The following ZNF341 variants were observed in gnomAD, a reference collection of about 807,000 sequenced individuals.
ZNF341 encodes zinc finger protein 341.
Under a neutral mutation model 87.7 loss-of-function variants are expected in ZNF341, and 52 were observed. The observed-to-expected ratio is 0.59, with a 90% CI of 0.47 to 0.75. The LOEUF (loss-of-function observed/expected upper bound fraction) is 0.75. ZNF341 is among the 30% of genes least tolerant of loss of function. ZNF341 has a pLI of 0.00. For missense variants in ZNF341, 977 were observed against 1,145.9 expected, an observed-to-expected ratio of 0.85 and a Z score of 2.13; for synonymous variants, 459 against 472.7, an observed-to-expected ratio of 0.97 and a Z score of 0.38.
At chr20:33,753,677 G>A (rs757854990) in intron 5 of ZNF341, among the ~76,000 whole-genome samples, 23 of 152,168 alleles carry the variant, frequency 1.5e-4, no homozygotes, top group Non-Finnish European at 2.8e-4. Context: ...AATATAAGCT[G>A]CCTGCAGGTA....
intron 6 of ZNF341, among the ~76,000 whole-genome samples, chr20:33,757,915 C>T (rs1244538467): frequency 1.3e-5 from 2 of 152,092 alleles, no homozygotes; most frequent in Non-Finnish European, 2.9e-5. Context: ...GTAGTATCTG[C>T]CATCCTAATG....
chr20:33,752,943 C>T (rs577425853), intron 4 of ZNF341, among the ~76,000 whole-genome samples: 135 of 152,280 alleles, frequency 8.9e-4, no homozygotes, highest in African/African-American at 3.0e-3. Flanking sequence ...CCACTGCGCC[C>T]GGCCATTTTT....
chr20:33,758,952 G>A, intron 7 of ZNF341, 146 bp downstream of exon 7: 2 of 678,620 alleles, frequency 2.9e-6, no homozygotes, highest in Non-Finnish European at 2.5e-6. Flanking sequence ...AGGTCGGGTG[G>A]TTTTCCCTCT....
At chr20:33,760,350 C>T (rs1242760636) in intron 7 of ZNF341, among the ~76,000 whole-genome samples, 1 of 152,072 alleles carries the variant, frequency 6.6e-6, no homozygotes, top group Non-Finnish European at 1.5e-5. Context: ...TTGCAGTGAG[C>T]TGAGATCGTG....
intron 11 of ZNF341, among the ~76,000 whole-genome samples, chr20:33,783,183 T>TG (rs1555789045): frequency 1.3e-5 from 2 of 151,662 alleles, no homozygotes; most frequent in East Asian, 1.9e-4. Context: ...TAAATAAAAG[T>TG]AAAAAATTAC....
At position 33,732,027 on chromosome 20, in the gene ZNF341, G is replaced by T; in HGVS notation, c.6G>T (p.Ala2=). ...GCGACGGCGGCGGCTCCAAGATGGC[G>T]CAGGCGATCTTTGAGGCCCTGGAGG... M[A]QAIFEALEGM... The change falls in exon 1 of 15, where the codon GCG becomes GCT. Residue 2 remains alanine (A), a synonymous_variant. Coordinates refer to ENST00000375200, the MANE Select transcript of ZNF341 (RefSeq NM_001282933.2). The surrounding 1 kb of genome is among the most constrained non-coding windows in gnomAD (Gnocchi z 4.5). 7.1e-7 allele frequency: 1 copy of T among 1,415,050 alleles called. No individual in the cohort carries two copies. 87.7% of individuals were successfully genotyped at this position (1,415,050 alleles called of 1,614,324 possible). A position where few individuals can be genotyped will look rare whatever the true frequency, so the allele number is the denominator to read the frequency against.
At chr20:33,774,336 T>A (rs886221014) in intron 10 of ZNF341, among the ~76,000 whole-genome samples, 1 of 152,066 alleles carries the variant, frequency 6.6e-6, no homozygotes, top group African/African-American at 2.4e-5. Flanking sequence ...TATTGATTTT[T>A]TCCCCCAATT....
rs774585487 is a variant in ZNF341, at chr20:33,791,412, C to T, written c.2460C>T (p.His820=). Residue 820 remains histidine (H), a synonymous_variant, in exon 15 of 15, where the codon CAC becomes CAT. Transcript: ENST00000375200. ...GAETELVVPG[H]AEGLGSNLAL... ...AAACTGAGCTGGTGGTACCTGGACA[C>T]GCTGAGGGGCTGGGCTCCAACCTGG... is the stretch of plus-strand genomic sequence containing the variant. 13 of 1,611,918 alleles carry T rather than the reference C, an allele frequency of 8.1e-6. No individual in the cohort carries two copies. Among genetic ancestry groups the T allele is most frequent in the East Asian group, 2.2e-5 (1 of 44,884 alleles).
chr20:33,741,732 A>G (rs375467182), intron 2 of ZNF341, among the ~76,000 whole-genome samples: 36 of 152,308 alleles, frequency 2.4e-4, no homozygotes, highest in African/African-American at 8.2e-4. Flanking sequence ...GGAAGTTTCT[A>G]TGTGAGACTG....
At chr20:33,779,845 G>A (rs1245950535) in intron 10 of ZNF341, among the ~76,000 whole-genome samples, 1 of 152,208 alleles carries the variant, frequency 6.6e-6, no homozygotes, top group African/African-American at 2.4e-5. Flanking sequence ...GAAATGGGAA[G>A]GCGCTGGGCT....
chr20:33,747,936 C>T (rs764767182), intron 3 of ZNF341, among the ~76,000 whole-genome samples: 26 of 151,826 alleles, frequency 1.7e-4, no homozygotes, highest in South Asian at 8.3e-4. Context: ...TCAAGTGATC[C>T]GCCTGTCTTG....
At chr20:33,752,781 A>G (rs2019089318) in intron 4 of ZNF341, among the ~76,000 whole-genome samples, 1 of 150,442 alleles carries the variant, frequency 6.6e-6, no homozygotes, top group Non-Finnish European at 1.5e-5. Context: ...GCCTCCCGAT[A>G]GCTGGGACTA....
At position 33,740,843 on chromosome 20, in the gene ZNF341, G is replaced by A. The variant is rs559482141; in HGVS notation, c.32-59G>A. ...TTTTGCCTGGGTCTGGCTTGTAAGG[G>A]TGATGTCAGAGCATGATGCTGGGCC... On this transcript the variant is annotated intron_variant, in intron 1 of 14. Transcript: ENST00000375200. The A allele has an allele frequency of 3.6e-5, 55 of 1,515,852 alleles. 1 individual carries two copies. The South Asian group carries it at 5.5e-4, about 15-fold the overall frequency. The allele number at this position is 1,515,852 out of a possible 1,614,324, so 93.9% of individuals were successfully genotyped here.
chr20:33,778,499 C>T (rs1037233011), intron 10 of ZNF341, among the ~76,000 whole-genome samples: 6 of 152,008 alleles, frequency 3.9e-5, no homozygotes, highest in East Asian at 1.9e-4. Context: ...TTAGTAAAGA[C>T]GGCATTTCTC....
chr20:33,744,387 G>A (rs1178784327), intron 2 of ZNF341, among the ~76,000 whole-genome samples: 2 of 152,192 alleles, frequency 1.3e-5, no homozygotes, highest in African/African-American at 4.8e-5. Context: ...GTTGTCCTCA[G>A]AGAGGCAGCC....
intron 2 of ZNF341, among the ~76,000 whole-genome samples, chr20:33,742,974 G>A (rs1001408260): frequency 4.0e-5 from 6 of 151,732 alleles, no homozygotes; most frequent in Admixed American, 6.6e-5. Flanking sequence ...CTATGATCAT[G>A]CCTGTGAATA....
chr20:33,752,307 C>A, intron 4 of ZNF341: 1 of 608,646 alleles, frequency 1.6e-6, no homozygotes, highest in African/African-American at 1.8e-5. Flanking sequence ...CAGTATGGGA[C>A]ATTCTTTATT....
intron 3 of ZNF341, among the ~76,000 whole-genome samples, chr20:33,747,050 C>T (rs1054097276): frequency 1.3e-5 from 2 of 152,074 alleles, no homozygotes; most frequent in African/African-American, 4.8e-5. Flanking sequence ...GGGAAGCTTC[C>T]AGAGTCCTCA....
chr20:33,750,912 A>T (rs557629255), intron 4 of ZNF341, among the ~76,000 whole-genome samples: 1 of 152,190 alleles, frequency 6.6e-6, no homozygotes, highest in African/African-American at 2.4e-5. Flanking sequence ...AAGTCCTGGG[A>T]TTACAGGCGT....
Sources: gnomAD v4.1 joint callset for allele counts (sites outside exome capture counted in the v4.1 genomes callset) on GRCh38, gnomAD v4.1.1 for gene constraint, Gnocchi (gnomAD v3.1) non-coding constraint, MANE v1.5 for transcripts, NCBI Gene and HGNC (gene_info 2026-07-23, HGNC 2026-07-21) for gene names.